The following ST6GALNAC3 variants were observed in gnomAD, a reference collection of about 807,000 sequenced individuals.
ST6GALNAC3 encodes alpha-N-acetylgalactosaminide alpha-2,6-sialyltransferase 3.
ST6GALNAC3 carries 25 observed loss-of-function variants against 32.7 expected under a neutral mutation model. The ratio of observed to expected loss-of-function variants is 0.76; its 90% CI spans 0.56 to 1.07. ST6GALNAC3 has a LOEUF of 1.07. ST6GALNAC3 is among the 50% of genes least tolerant of loss of function. The pLI is 0.00. For synonymous variants in ST6GALNAC3, 129 were observed against 133.1 expected (o/e 0.97, Z 0.21); for missense variants, 355 against 382.4 (o/e 0.93, Z 0.60).
In ST6GALNAC3 at chr1:76,268,929, C is replaced by A. The variant is rs551713511; in HGVS notation, c.19-44876C>A. Among the ~76,000 whole-genome samples the A allele has an allele frequency of 3.5e-4, 54 of 152,272 alleles. 2 individuals carry two copies. Among genetic ancestry groups the A allele is most frequent in the African/African-American group, 1.2e-3 (51 of 41,560 alleles). On this transcript the variant is annotated intron_variant, in intron 1 of 4. Transcript: ENST00000328299. ...AGGGACCTCCCAGATCACTCTGTCA[C>A]CCCCAAGACTACACATTTCGGCACT...
chr1:76,192,930 C>T (rs1441310944), intron 1 of ST6GALNAC3, among the ~76,000 whole-genome samples: 1 of 152,066 alleles, frequency 6.6e-6, no homozygotes, highest in Non-Finnish European at 1.5e-5. Flanking sequence ...TTATCTTCTG[C>T]TTTTTTGCCC....
intron 1 of ST6GALNAC3, among the ~76,000 whole-genome samples, chr1:76,245,468 C>T (rs1416999837): frequency 1.3e-5 from 2 of 151,978 alleles, no homozygotes; most frequent in Admixed American, 1.3e-4. Flanking sequence ...CTGTCTTCTG[C>T]TAGGCTTTGA....
chr1:76,191,240 G>A (rs1004204381), intron 1 of ST6GALNAC3, among the ~76,000 whole-genome samples: 2 of 151,824 alleles, frequency 1.3e-5, no homozygotes, highest in Admixed American at 1.3e-4. Flanking sequence ...GGAGACCTTT[G>A]AAGTAACCAG....
At chr1:76,287,454 A>C (rs1034218698) in intron 1 of ST6GALNAC3, among the ~76,000 whole-genome samples, 1 of 149,916 alleles carries the variant, frequency 6.7e-6, no homozygotes, top group African/African-American at 2.5e-5. Flanking sequence ...ATCCCCTCAG[A>C]AATGGAGTTA....
Position 76,161,556 on chromosome 1 carries a change from T to C in ST6GALNAC3, c.18+86672T>C, listed in dbSNP as rs1454069841. ...GACCTCTGGAGATTTTTCTCTCTGC[T>C]AATCACCCAAGGATGCTTTACATAC... is the stretch of plus-strand genomic sequence containing the variant. On this transcript the variant is annotated intron_variant, in intron 1 of 4. Coordinates refer to ENST00000328299, the MANE Select transcript of ST6GALNAC3 (RefSeq NM_152996.4). 2.0e-5 allele frequency among the ~76,000 whole-genome samples: 3 copies of C among 152,360 alleles called. No individual in the cohort carries two copies. The East Asian group carries it at 5.8e-4, about 29-fold the overall frequency.
intron 3 of ST6GALNAC3, among the ~76,000 whole-genome samples, chr1:76,431,852 C>T (rs1397064350): frequency 6.6e-6 from 1 of 152,110 alleles, no homozygotes; most frequent in African/African-American, 2.4e-5. Context: ...CCAGAGTCCA[C>T]AGCTTACATT....
intron 2 of ST6GALNAC3, among the ~76,000 whole-genome samples, chr1:76,335,530 A>G (rs1050290593): frequency 1.3e-5 from 2 of 152,110 alleles, no homozygotes; most frequent in Non-Finnish European, 2.9e-5. Flanking sequence ...AGAGGGGGGA[A>G]GAAACTGGAG....
intron 3 of ST6GALNAC3, among the ~76,000 whole-genome samples, chr1:76,503,719 TA>T (rs1463157013): frequency 5.9e-5 from 9 of 152,150 alleles, no homozygotes; most frequent in African/African-American, 2.2e-4. Flanking sequence ...GTAGCAATAG[TA>T]GTAGTAGTAA....
At chr1:76,446,441 A>G (rs1219209424) in intron 3 of ST6GALNAC3, among the ~76,000 whole-genome samples, 1 of 152,212 alleles carries the variant, frequency 6.6e-6, no homozygotes, top group African/African-American at 2.4e-5. Flanking sequence ...TTATAGCATC[A>G]TAAAGAGTAG....
At chr1:76,080,141 G>A (rs558929936) in intron 1 of ST6GALNAC3, among the ~76,000 whole-genome samples, 1 of 152,294 alleles carries the variant, frequency 6.6e-6, no homozygotes, top group South Asian at 2.1e-4. Context: ...ACACCTCATG[G>A]TATGGGAGTA....
intron 1 of ST6GALNAC3, among the ~76,000 whole-genome samples, chr1:76,203,166 C>T (rs1345912425): frequency 1.3e-5 from 2 of 152,102 alleles, no homozygotes; most frequent in Admixed American, 6.6e-5. Context: ...GCAGAGTCAC[C>T]TGGAGCATTT....
intron 1 of ST6GALNAC3, among the ~76,000 whole-genome samples, chr1:76,089,194 AATTTT>A (rs965722499): frequency 1.3e-4 from 20 of 152,024 alleles, no homozygotes; most frequent in African/African-American, 4.8e-4. Flanking sequence ...ACGCCCGGCT[AATTTT>A]ATTTTATTTT....
intron 3 of ST6GALNAC3, among the ~76,000 whole-genome samples, chr1:76,594,007 G>T (rs930302957): frequency 1.3e-5 from 2 of 152,032 alleles, no homozygotes; most frequent in African/African-American, 4.8e-5. Flanking sequence ...GGTGGAAGGG[G>T]GCCCTTGTGC....
chr1:76,431,962 A>T (rs1655787164), intron 3 of ST6GALNAC3, among the ~76,000 whole-genome samples: 1 of 152,154 alleles, frequency 6.6e-6, no homozygotes, highest in Non-Finnish European at 1.5e-5. Flanking sequence ...CACTGTCCTA[A>T]AAGTCTTCTC....
chr1:76,367,400 C>T (rs1035216384), intron 2 of ST6GALNAC3, among the ~76,000 whole-genome samples: 12 of 151,924 alleles, frequency 7.9e-5, no homozygotes, highest in African/African-American at 2.9e-4. Flanking sequence ...ACTAGGGGAA[C>T]AGGAAGTAGT....
At chr1:76,193,538 T>G (rs923198851) in intron 1 of ST6GALNAC3, among the ~76,000 whole-genome samples, 1 of 152,078 alleles carries the variant, frequency 6.6e-6, no homozygotes. Flanking sequence ...AGACTCTGAG[T>G]CCCATGATGG....
At chr1:76,507,887 C>A (rs1661575766) in intron 3 of ST6GALNAC3, among the ~76,000 whole-genome samples, 1 of 152,170 alleles carries the variant, frequency 6.6e-6, no homozygotes. Flanking sequence ...CTTATACATT[C>A]TCACCAGCAG....
chr1:76,372,264 C>G (rs1374559206), intron 2 of ST6GALNAC3, among the ~76,000 whole-genome samples: 1 of 151,894 alleles, frequency 6.6e-6, no homozygotes, highest in Non-Finnish European at 1.5e-5. Context: ...CTTGCCTCAT[C>G]ATTTCAGTTT....
chr1:76,383,397 A>C (rs1651863440), intron 2 of ST6GALNAC3, among the ~76,000 whole-genome samples: 2 of 151,498 alleles, frequency 1.3e-5, no homozygotes, highest in South Asian at 2.1e-4. Context: ...CAGACTCCTA[A>C]GTAGCTAGGA....
Sources: gnomAD v4.1 joint callset for allele counts (sites outside exome capture counted in the v4.1 genomes callset) on GRCh38, gnomAD v4.1.1 for gene constraint, MANE v1.5 for transcripts, NCBI Gene and HGNC (gene_info 2026-07-23, HGNC 2026-07-21) for gene names.